RUNX2: variants seen among roughly 807,000 people sequenced by gnomAD.
RUNX2 encodes RUNX family transcription factor 2, also known as runt-related transcription factor 2.
In RUNX2, 10 loss-of-function variants were observed where a neutral mutation model predicts 51.7. The observed-to-expected ratio is 0.19, with a 90% CI of 0.12 to 0.33. The LOEUF (loss-of-function observed/expected upper bound fraction) is 0.33, where lower values mean the gene tolerates loss of function less well. Ranked by LOEUF, RUNX2 falls within the 10% of genes least tolerant of loss-of-function variation. RUNX2 has a pLI of 1.00. For synonymous variants in RUNX2, 276 were observed against 273.6 expected (o/e 1.01, Z -0.09); for missense variants, 562 against 691.3 (o/e 0.81, Z 2.10).
At chr6:45,415,914 C>G (rs1242787672) in intron 2 of RUNX2, among the ~76,000 whole-genome samples, 1 of 152,020 alleles carries the variant, frequency 6.6e-6, no homozygotes, top group African/African-American at 2.4e-5. Context: ...AATATTGTCA[C>G]TAATAGGAAT....
intron 2 of RUNX2, among the ~76,000 whole-genome samples, chr6:45,400,631 A>G (rs1797693777): frequency 6.6e-6 from 1 of 152,128 alleles, no homozygotes; most frequent in Non-Finnish European, 1.5e-5. Flanking sequence ...ACTCCAATAA[A>G]TTTGGGTTCT....
intron 2 of RUNX2, among the ~76,000 whole-genome samples, chr6:45,420,772 C>A (rs1056757561): frequency 6.6e-6 from 1 of 152,206 alleles, no homozygotes; most frequent in African/African-American, 2.4e-5. Flanking sequence ...GCGGATTTCC[C>A]GGCTTCTGCG....
chr6:45,492,952 A>T (rs1230457729), intron 6 of RUNX2, among the ~76,000 whole-genome samples: 1 of 152,230 alleles, frequency 6.6e-6, no homozygotes, highest in Admixed American at 6.5e-5. Context: ...GTGGACTAGA[A>T]TAGAGGGAAA....
At chr6:45,331,702 G>A (rs1179278533) in intron 2 of RUNX2, among the ~76,000 whole-genome samples, 1 of 151,844 alleles carries the variant, frequency 6.6e-6, no homozygotes, top group East Asian at 1.9e-4. Context: ...AAAAGAAATT[G>A]TGGAAAAAGA....
chr6:45,398,375 G>A (rs1320179509), intron 2 of RUNX2, among the ~76,000 whole-genome samples: 1 of 152,132 alleles, frequency 6.6e-6, no homozygotes, highest in African/African-American at 2.4e-5. Context: ...TCAGCTTTAA[G>A]TCTGATTAAC....
At chr6:45,466,569 A>G (rs1210893730) in intron 5 of RUNX2, among the ~76,000 whole-genome samples, 2 of 152,184 alleles carry the variant, frequency 1.3e-5, no homozygotes, top group East Asian at 3.9e-4. Context: ...GTCTCCAAGA[A>G]GGGTGGCCAG....
At chr6:45,414,173 A>G (rs1387533611) in intron 2 of RUNX2, among the ~76,000 whole-genome samples, 1 of 152,160 alleles carries the variant, frequency 6.6e-6, no homozygotes, top group African/African-American at 2.4e-5. Context: ...AAGGAAGGTA[A>G]TGGGCTGTAA....
At chr6:45,471,159 A>G (rs893637572) in intron 5 of RUNX2, among the ~76,000 whole-genome samples, 1 of 152,140 alleles carries the variant, frequency 6.6e-6, no homozygotes, top group African/African-American at 2.4e-5. Context: ...CATTCTTTTT[A>G]GCAAAGGTGC....
intron 7 of RUNX2, among the ~76,000 whole-genome samples, chr6:45,541,315 G>C (rs1802221980): frequency 6.6e-6 from 1 of 152,060 alleles, no homozygotes; most frequent in Non-Finnish European, 1.5e-5. Flanking sequence ...AGTGAGTAAG[G>C]GTCCAAAAGA....
Position 45,438,035 on chromosome 6 carries a change from A to C in RUNX2, c.669A>C (p.Gly223=). 1 of 1,607,302 alleles carries C rather than the reference A, an allele frequency of 6.2e-7. No individual in the cohort carries two copies. The highest frequency in any genetic ancestry group is 1.1e-5 in the South Asian group (1 of 90,952). Residue 223 remains glycine, a synonymous_variant, in exon 5 of 9, where the codon GGA becomes GGC. Coordinates refer to ENST00000647337, the MANE Select transcript of RUNX2 (RefSeq NM_001024630.4). ...YHRAIKVTVD[G]PREPRRHRQK... ...GAGCAATTAAAGTTACAGTAGATGG[A>C]CCTCGGGAACCCAGAAGTAAGTACT...
rs1369927853 is a variant in RUNX2 at position 45,545,217 on chromosome 6, A to G, written c.1022A>G (p.Asp341Gly). The G allele has an allele frequency of 2.6e-6, 4 of 1,547,366 alleles. No individual in the cohort carries two copies. Among genetic ancestry groups the G allele is most frequent in the Admixed American group, 2.0e-5 (1 of 50,942 alleles). Reference sequence around the variant, plus strand: ...AGAGCTCATCCCCCTCATTTTACAGATGATGACACTGCCACCTCTGACTTC... The same window carrying G: ...AGAGCTCATCCCCCTCATTTTACAGGTGATGACACTGCCACCTCTGACTTC... ...AITDVPRRIS[D>G]DDTATSDFCL... Residue 341 changes from aspartate (D) to glycine (G), a missense_variant and splice_region_variant, in exon 8 of 9, where the codon GAT becomes GGT. This residue lies in a region of RUNX2 where 304 missense variants were observed against 353.2 expected (regional missense o/e 0.86). Transcript: ENST00000647337.
At chr6:45,369,672 C>G (rs1581974815) in intron 2 of RUNX2, among the ~76,000 whole-genome samples, 1 of 152,112 alleles carries the variant, frequency 6.6e-6, no homozygotes, top group African/African-American at 2.4e-5. Flanking sequence ...TTCTTCATAT[C>G]TAAGTATTTA....
chr6:45,441,285 A>G (rs1352658688), intron 5 of RUNX2, among the ~76,000 whole-genome samples: 2 of 152,166 alleles, frequency 1.3e-5, no homozygotes, highest in African/African-American at 4.8e-5. Context: ...TGCTTCTGGT[A>G]GCTCAGCTGT....
intron 7 of RUNX2, among the ~76,000 whole-genome samples, chr6:45,514,848 T>A (rs1801269889): frequency 6.6e-6 from 1 of 152,132 alleles, no homozygotes; most frequent in African/African-American, 2.4e-5. Context: ...TATCTTATGA[T>A]TCCTCTCAAC....
Position 45,450,663 on chromosome 6 carries a change from A to G in RUNX2, c.685+12612A>G, listed in dbSNP as rs1395867604. ...AGGAAGGCCTGTCTGGGGAGATGAC[A>G]TCGGAGCACAGACCTAAAGGGTGAG... On this transcript the variant is annotated intron_variant, in intron 5 of 8. Transcript: ENST00000647337. 2.6e-5 allele frequency among the ~76,000 whole-genome samples: 4 copies of G among 152,208 alleles called. No homozygotes were observed. The South Asian group carries it at 8.3e-4, about 32-fold the overall frequency.
Position 45,328,699 on chromosome 6 carries a change from G to T in RUNX2, c.-28G>T, listed in dbSNP as rs1584935767. The T allele has an allele frequency of 6.2e-7, 1 of 1,611,722 alleles. No homozygotes were observed. Among genetic ancestry groups the T allele is most frequent in the Non-Finnish European group, 8.5e-7 (1 of 1,178,440 alleles). On this transcript the variant is annotated 5_prime_UTR_variant, in exon 2 of 9. Transcript: ENST00000647337. ...GCAGTATTTACAACAGAGGGTACAA[G>T]TTCTATCTGAAAAAAAAAGGAGGGA...
At chr6:45,526,653 C>T (rs538075469) in intron 7 of RUNX2, among the ~76,000 whole-genome samples, 6 of 152,240 alleles carry the variant, frequency 3.9e-5, no homozygotes, top group African/African-American at 1.2e-4. Flanking sequence ...TATTGAGCAC[C>T]GTTCTGCCCA....
At chr6:45,366,859 T>C (rs1273855051) in intron 2 of RUNX2, among the ~76,000 whole-genome samples, 1 of 152,224 alleles carries the variant, frequency 6.6e-6, no homozygotes, top group Non-Finnish European at 1.5e-5. Flanking sequence ...CCTACGGCTA[T>C]GGCCTTCTAA....
chr6:45,342,852 T>C (rs934266904), intron 2 of RUNX2, among the ~76,000 whole-genome samples: 4 of 152,150 alleles, frequency 2.6e-5, no homozygotes, highest in Admixed American at 2.6e-4. Flanking sequence ...AGTCCTCCAA[T>C]TACAAGATAT....
Sources: allele counts gnomAD v4.1 joint callset (sites outside exome capture counted in the v4.1 genomes callset), GRCh38; gene constraint gnomAD v4.1.1; regional missense constraint gnomAD v4.1.1; transcripts MANE v1.5; gene names NCBI Gene and HGNC (gene_info 2026-07-23, HGNC 2026-07-21).